Variants in STK24 observed in about 807,000 individuals in gnomAD.
The protein encoded by STK24 is serine/threonine-protein kinase 24.
Under a neutral mutation model 55.6 loss-of-function variants are expected in STK24, and 21 were observed. The observed-to-expected ratio is 0.38, with a 90% CI of 0.27 to 0.54. The LOEUF is 0.54. STK24 is among the 20% of genes least tolerant of loss of function. The pLI is 0.79. For synonymous variants in STK24, 200 were observed against 215.2 expected (o/e 0.93, Z 0.62); for missense variants, 383 against 538.4 (o/e 0.71, Z 2.86).
At position 98,567,471 on chromosome 13, in the gene STK24, A is replaced by G. The variant is rs76412199; in HGVS notation, c.42+9274T>C. Among the ~76,000 whole-genome samples, 1,417 of 152,326 alleles carry G rather than the reference A, an allele frequency of 9.3e-3. 23 individuals are homozygous for G. The highest frequency in any genetic ancestry group is 0.031 in the African/African-American group (1,278 of 41,564). Reference sequence around the variant, plus strand: ...AGCGTTTCTCCAGAGAGATCCTATGAGGCTCCCGGACATCGTTCTGTGTCC... The same window carrying G: ...AGCGTTTCTCCAGAGAGATCCTATGGGGCTCCCGGACATCGTTCTGTGTCC... On this transcript the variant is annotated intron_variant, in intron 1 of 10. Transcript: ENST00000539966.
chr13:98,480,159 T>C (rs1894530805), intron 3 of STK24, among the ~76,000 whole-genome samples: 1 of 152,252 alleles, frequency 6.6e-6, no homozygotes, highest in South Asian at 2.1e-4. Flanking sequence ...TCACACTATG[T>C]GGGATTTTTT....
intron 10 of STK24, chr13:98,456,579 G>T: frequency 2.1e-6 from 1 of 486,780 alleles, no homozygotes; most frequent in East Asian, 6.5e-5. Context: ...AGTTGGGAGG[G>T]GGCAGGGAGG....
At chr13:98,570,179 A>C (rs1897702647) in intron 1 of STK24, among the ~76,000 whole-genome samples, 1 of 152,148 alleles carries the variant, frequency 6.6e-6, no homozygotes, top group African/African-American at 2.4e-5. Flanking sequence ...GCCCCCGGTC[A>C]ATTTTTTAAT....
intron 1 of STK24, among the ~76,000 whole-genome samples, chr13:98,555,221 A>G (rs568142272): frequency 9.2e-5 from 14 of 152,054 alleles, no homozygotes; most frequent in Non-Finnish European, 1.8e-4. Flanking sequence ...CCCCTCATGT[A>G]TAACTGGCAC....
At chr13:98,494,958 C>T (rs544779782) in intron 2 of STK24, among the ~76,000 whole-genome samples, 6 of 152,322 alleles carry the variant, frequency 3.9e-5, no homozygotes, top group South Asian at 2.1e-4. Flanking sequence ...CCACCACCAA[C>T]GCCTCGGTGA....
chr13:98,487,351 C>G (rs9556961), intron 2 of STK24, among the ~76,000 whole-genome samples: 9 of 152,236 alleles, frequency 5.9e-5, no homozygotes, highest in East Asian at 3.9e-4. Context: ...CTCAAATAAC[C>G]TAAGTTATGA....
At chr13:98,532,883 T>C (rs559312031) in intron 1 of STK24, among the ~76,000 whole-genome samples, 1 of 152,382 alleles carries the variant, frequency 6.6e-6, no homozygotes, top group African/African-American at 2.4e-5. Context: ...CTACCTGAGC[T>C]GTATTAATGC....
chr13:98,576,822 C>T lies in STK24; in HGVS notation c.-36G>A. The T allele has an allele frequency of 8.0e-7, 1 of 1,246,698 alleles. No individual in the cohort carries two copies. Among genetic ancestry groups the T allele is most frequent in the Non-Finnish European group, 1.0e-6 (1 of 991,502 alleles). The allele number at this position is 1,246,698 out of a possible 1,614,324, so 77.2% of individuals were successfully genotyped here. A position where few individuals can be genotyped will look rare whatever the true frequency, so the allele number is the denominator to read the frequency against. On this transcript the variant is annotated 5_prime_UTR_variant, in exon 1 of 11. Transcript: ENST00000539966. Reference sequence around the variant, plus strand: ...ACGGCCACTTCCTGGGACGGGACGGCCGGGCCGCGACGATCCGCGCGGGGC... The same window carrying T: ...ACGGCCACTTCCTGGGACGGGACGGTCGGGCCGCGACGATCCGCGCGGGGC...
intron 1 of STK24, among the ~76,000 whole-genome samples, chr13:98,543,762 A>C (rs1896957057): frequency 6.6e-6 from 1 of 152,178 alleles, no homozygotes. Flanking sequence ...CCGAGGGTGA[A>C]GCCTGCAGAT....
intron 2 of STK24, among the ~76,000 whole-genome samples, chr13:98,518,391 T>C (rs905887011): frequency 3.3e-5 from 5 of 152,252 alleles, no homozygotes; most frequent in Admixed American, 6.5e-5. Context: ...TATCCAGGTT[T>C]ATCGCTGCCT....
intron 1 of STK24, among the ~76,000 whole-genome samples, chr13:98,574,009 T>G (rs1897809737): frequency 6.9e-6 from 1 of 145,930 alleles, no homozygotes; most frequent in East Asian, 1.9e-4. Flanking sequence ...TGCTTTATTT[T>G]TTTATTTTAT....
intron 3 of STK24, among the ~76,000 whole-genome samples, chr13:98,477,324 T>C (rs1336396138): frequency 6.6e-6 from 1 of 152,118 alleles, no homozygotes; most frequent in African/African-American, 2.4e-5. Context: ...GCCGGAGTGT[T>C]TGCTTTTGTT....
intron 1 of STK24, among the ~76,000 whole-genome samples, chr13:98,542,541 G>T (rs1896918209): frequency 6.6e-6 from 1 of 151,834 alleles, no homozygotes; most frequent in African/African-American, 2.4e-5. Context: ...AGCACTCTGT[G>T]TTTTTCAGGA....
intron 1 of STK24, among the ~76,000 whole-genome samples, chr13:98,568,070 G>A (rs748504790): frequency 6.6e-6 from 1 of 151,796 alleles, no homozygotes; most frequent in Non-Finnish European, 1.5e-5. Context: ...CGCGATCTCG[G>A]CTCCCTGCAA....
intron 1 of STK24, among the ~76,000 whole-genome samples, chr13:98,523,091 G>A (rs1313073624): frequency 6.6e-5 from 10 of 152,178 alleles, no homozygotes; most frequent in African/African-American, 1.7e-4. Context: ...ACCGGGGGTG[G>A]GCCCAAGAAT....
Position 98,576,887 on chromosome 13 carries a change from G to GCT in STK24, c.-102_-101insAG. The GCT allele has an allele frequency of 1.3e-6, 1 of 798,482 alleles. No homozygotes were observed. Among genetic ancestry groups the GCT allele is most frequent in the Non-Finnish European group, 1.5e-6 (1 of 662,008 alleles). The allele number at this position is 798,482 out of a possible 1,614,324, so 49.5% of individuals were successfully genotyped here. ...GCCGCGCGCAGCCCTCGGGCGGCGG[G>GCT]GCCGGCCGGAGCCCGAGGCCACCCC... On this transcript the variant is annotated 5_prime_UTR_variant, in exon 1 of 11. Coordinates refer to ENST00000539966, the MANE Select transcript of STK24 (RefSeq NM_001032296.4).
In STK24 at chr13:98,450,037, GAA is replaced by G. The variant is rs1491554410; in HGVS notation, c.*3134_*3135del. On this transcript the variant is annotated 3_prime_UTR_variant, in exon 11 of 11. Coordinates refer to ENST00000539966, the MANE Select transcript of STK24 (RefSeq NM_001032296.4). ...GCAGTCTCCTCAGCTATTTATTTCTGAATGATTGATTGATTCCAAACTACTTG... is the reference window on the plus strand; with the variant it reads ...GCAGTCTCCTCAGCTATTTATTTCTGTGATTGATTGATTCCAAACTACTTG... 21 of 139,140 alleles carry G rather than the reference GAA, an allele frequency of 1.5e-4. No homozygotes were observed. The highest frequency in any genetic ancestry group is 4.7e-4 in the African/African-American group (18 of 38,272). 8.6% of individuals were successfully genotyped at this position (139,140 alleles called of 1,614,324 possible).
intron 2 of STK24, among the ~76,000 whole-genome samples, chr13:98,492,489 G>A (rs142120392): frequency 3.9e-5 from 6 of 152,172 alleles, no homozygotes; most frequent in Non-Finnish European, 8.8e-5. Flanking sequence ...TCTTTTTCTC[G>A]AATACCACCG....
intron 2 of STK24, among the ~76,000 whole-genome samples, chr13:98,515,306 C>T (rs1302066501): frequency 6.6e-6 from 1 of 152,136 alleles, no homozygotes; most frequent in African/African-American, 2.4e-5. Context: ...CAACCCCACA[C>T]ACAGGCAGTT....
Sources: allele counts gnomAD v4.1 joint callset (sites outside exome capture counted in the v4.1 genomes callset), GRCh38; gene constraint gnomAD v4.1.1; transcripts MANE v1.5; gene names NCBI Gene and HGNC (gene_info 2026-07-23, HGNC 2026-07-21).